The following AMBRA1 variants were observed in gnomAD, a reference collection of about 807,000 sequenced individuals.
The protein encoded by AMBRA1 is activating molecule in BECN1-regulated autophagy protein 1.
Under a neutral mutation model 125.4 loss-of-function variants are expected in AMBRA1, and 47 were observed. The ratio of observed to expected loss-of-function variants is 0.37; its 90% CI spans 0.30 to 0.48. The LOEUF is 0.48. Ranked by LOEUF, AMBRA1 falls within the 20% of genes least tolerant of loss-of-function variation. AMBRA1 has a pLI of 0.99. For missense variants in AMBRA1, 1,331 were observed against 1,693.4 expected (o/e 0.79, Z 3.76); for synonymous variants, 626 against 655.5 (o/e 0.95, Z 0.69).
chr11:46,490,827 T>C (rs1392757251), intron 11 of AMBRA1, among the ~76,000 whole-genome samples: 2 of 152,208 alleles, frequency 1.3e-5, no homozygotes, highest in Non-Finnish European at 2.9e-5. Flanking sequence ...GAACACTGCC[T>C]GGCATATGAC....
chr11:46,559,779 G>T (rs999360730), intron 1 of AMBRA1, among the ~76,000 whole-genome samples: 1 of 152,134 alleles, frequency 6.6e-6, no homozygotes, highest in Non-Finnish European at 1.5e-5. Context: ...TCGCTGGCTT[G>T]TTATATAATC....
chr11:46,547,113 G>C lies in AMBRA1; in HGVS notation c.378C>G (p.His126Gln). The change falls in exon 4 of 18, where the codon CAC (histidine) becomes CAG (glutamine). Residue 126 changes from histidine to glutamine, a missense_variant and splice_region_variant. His to Gln is a conservative substitution (Grantham distance 24, BLOSUM62 0). Coordinates refer to ENST00000683756, the MANE Select transcript of AMBRA1 (RefSeq NM_001387011.1). ...LDGEVRIWDL[H>Q]GGSESWFTDS... The stretch of plus-strand genomic sequence containing the variant: ...AAGGGTATCTTAAGGAAATACTCAC[G>C]TGTAAATCCCAAATCCTAACCTCCC... The C allele has an allele frequency of 6.3e-7, 1 of 1,598,340 alleles. No homozygotes were observed. The highest frequency in any genetic ancestry group is 8.5e-7 in the Non-Finnish European group (1 of 1,175,500).
rs199551192 is a variant in AMBRA1, at chr11:46,541,861, T to C, written c.2072+84A>G. The C allele has an allele frequency of 1.8e-5, 28 of 1,551,354 alleles. No individual in the cohort carries two copies. The East Asian group carries it at 2.2e-4, about 12-fold the overall frequency. Reference sequence around the variant, plus strand: ...ATGCGTGGGTCCCAGACACTCCAGATACAGCCACAACATCTATAGGACTCA... The same window carrying C: ...ATGCGTGGGTCCCAGACACTCCAGACACAGCCACAACATCTATAGGACTCA... On this transcript the variant is annotated intron_variant, in intron 7 of 17. Coordinates refer to ENST00000683756, the MANE Select transcript of AMBRA1 (RefSeq NM_001387011.1).
intron 14 of AMBRA1, among the ~76,000 whole-genome samples, chr11:46,423,584 G>T (rs1025491817): frequency 6.6e-6 from 1 of 151,340 alleles, no homozygotes; most frequent in Non-Finnish European, 1.5e-5. Context: ...GTAGAGACGG[G>T]GTTTCACCGT....
intron 11 of AMBRA1, among the ~76,000 whole-genome samples, chr11:46,458,873 A>G (rs1948968290): frequency 6.6e-6 from 1 of 152,360 alleles, no homozygotes; most frequent in Non-Finnish European, 1.5e-5. Flanking sequence ...TCTGCAAGTG[A>G]GATAACAGGT....
intron 14 of AMBRA1, among the ~76,000 whole-genome samples, chr11:46,432,053 G>T (rs942323738): frequency 2.0e-5 from 3 of 150,556 alleles, no homozygotes; most frequent in African/African-American, 2.4e-5. Context: ...ATTTTTTTTT[G>T]AGATTCTCTT....
chr11:46,447,496 C>T (rs1244581203), intron 11 of AMBRA1, among the ~76,000 whole-genome samples: 3 of 152,106 alleles, frequency 2.0e-5, no homozygotes, highest in Non-Finnish European at 2.9e-5. Context: ...GATCGCACCA[C>T]CACACTGCAG....
At chr11:46,493,979 C>CA (rs1311486135) in intron 10 of AMBRA1, 145 bp downstream of exon 10, 18 of 769,104 alleles carry the variant, frequency 2.3e-5, no homozygotes, top group Non-Finnish European at 4.2e-6. Flanking sequence ...CATCATCCGT[C>CA]AAGAGTTTAG....
At chr11:46,479,168 A>G (rs1003509824) in intron 11 of AMBRA1, among the ~76,000 whole-genome samples, 4 of 152,106 alleles carry the variant, frequency 2.6e-5, no homozygotes, top group Non-Finnish European at 5.9e-5. Context: ...ACTGCATTCC[A>G]GCCTGGGCAA....
rs149093532 is a variant in AMBRA1 at position 46,397,492 on chromosome 11, C to T, written c.3855G>A (p.Arg1285=). ...CTCCCCTAGGGCCTGCAGCGTCCCCCCTGCTGCTGCCACCATCCAGAAGGT... is the reference window on the plus strand; with the variant it reads ...CTCCCCTAGGGCCTGCAGCGTCCCCTCTGCTGCTGCCACCATCCAGAAGGT... The part of the protein sequence containing the change: ...NNHLLDGGSS[R]GDAAGPRGEP... The change falls in exon 18 of 18, where the codon AGG becomes AGA. Residue 1285 remains arginine, a synonymous_variant. Coordinates refer to ENST00000683756, the MANE Select transcript of AMBRA1 (RefSeq NM_001387011.1). 9.2e-4 allele frequency: 1,398 copies of T among 1,526,240 alleles called. 29 individuals carry two copies. The South Asian group carries it at 0.017, about 19-fold the overall frequency. The allele number at this position is 1,526,240 out of a possible 1,614,324, so 94.5% of individuals were successfully genotyped here.
chr11:46,447,372 TAAA>T (rs1948344570), intron 11 of AMBRA1, among the ~76,000 whole-genome samples: 1 of 152,010 alleles, frequency 6.6e-6, no homozygotes, highest in Non-Finnish European at 1.5e-5. Flanking sequence ...CTACCTCTAC[TAAA>T]AATACAAAAA....
intron 14 of AMBRA1, among the ~76,000 whole-genome samples, chr11:46,420,403 G>A (rs190818379): frequency 2.6e-5 from 4 of 152,234 alleles, no homozygotes; most frequent in Admixed American, 2.0e-4. Context: ...TTCTCACTCA[G>A]CCTCACTGTC....
intron 9 of AMBRA1, chr11:46,494,915 G>A (rs1466688604): frequency 6.6e-6 from 1 of 152,128 alleles, no homozygotes; most frequent in Non-Finnish European, 1.5e-5. Context: ...CAATACAAAG[G>A]TTATTGATAT....
At chr11:46,563,676 C>G (rs1236612963) in intron 1 of AMBRA1, among the ~76,000 whole-genome samples, 2 of 151,906 alleles carry the variant, frequency 1.3e-5, no homozygotes, top group East Asian at 3.9e-4. Context: ...CCCGTCTCTA[C>G]TAAAAATATG....
chr11:46,482,479 T>C (rs560247498), intron 11 of AMBRA1, among the ~76,000 whole-genome samples: 91 of 152,338 alleles, frequency 6.0e-4, no homozygotes, highest in African/African-American at 2.1e-3. Context: ...ATCAATATGG[T>C]AGATTCTGGA....
chr11:46,551,689 G>C (rs1272014085), intron 1 of AMBRA1, among the ~76,000 whole-genome samples: 1 of 152,034 alleles, frequency 6.6e-6, no homozygotes, highest in Non-Finnish European at 1.5e-5. Flanking sequence ...TGGCCAACAT[G>C]GCAAAACCTA....
chr11:46,512,488 C>T (rs774171534), intron 8 of AMBRA1, among the ~76,000 whole-genome samples: 57 of 152,172 alleles, frequency 3.7e-4, no homozygotes, highest in Admixed American at 1.9e-3. Context: ...TCCTCTAGCA[C>T]CACACTTGCG....
At chr11:46,584,547 CAAAA>C (rs201061717) in intron 1 of AMBRA1, among the ~76,000 whole-genome samples, 1 of 150,414 alleles carries the variant, frequency 6.6e-6, no homozygotes, top group African/African-American at 2.4e-5. Context: ...AGAAAAAAAA[CAAAA>C]AAAACAAATG....
At chr11:46,451,234 T>C (rs1217598325) in intron 11 of AMBRA1, among the ~76,000 whole-genome samples, 2 of 152,216 alleles carry the variant, frequency 1.3e-5, no homozygotes, top group Admixed American at 6.5e-5. Context: ...CCTGGCTAAC[T>C]ATCAGCCAAC....
Sources: allele counts gnomAD v4.1 joint callset (sites outside exome capture counted in the v4.1 genomes callset), GRCh38; gene constraint gnomAD v4.1.1; transcripts MANE v1.5; gene names NCBI Gene and HGNC (gene_info 2026-07-23, HGNC 2026-07-21).